The following EXOC6 variants were observed in gnomAD, a reference collection of about 807,000 sequenced individuals.
The protein encoded by EXOC6 is SEC15-like 1.
Under a neutral mutation model 112.5 loss-of-function variants are expected in EXOC6, and 60 were observed. That is an observed-to-expected ratio of 0.53 (90% confidence interval 0.43 to 0.66). The LOEUF is 0.66. EXOC6 is among the 30% of genes least tolerant of loss of function. The pLI, the probability that EXOC6 is intolerant of heterozygous loss-of-function variation, is 0.00. For synonymous variants in EXOC6, 295 were observed against 308.0 expected, an observed-to-expected ratio of 0.96 and a Z score of 0.44; for missense variants, 855 against 957.1, an observed-to-expected ratio of 0.89 and a Z score of 1.41.
intron 20 of EXOC6, among the ~76,000 whole-genome samples, chr10:93,053,533 T>C (rs1846404069): frequency 6.6e-6 from 1 of 152,226 alleles, no homozygotes; most frequent in South Asian, 2.1e-4. Flanking sequence ...CTCTCCTCTT[T>C]ATCAATACCC....
rs560578467 is a variant in EXOC6, at chr10:92,874,227, T to C, written c.102-19122T>C. Among the ~76,000 whole-genome samples, 6 of 152,328 alleles carry C rather than the reference T, an allele frequency of 3.9e-5. No individual in the cohort carries two copies. The South Asian group carries it at 1.2e-3, about 32-fold the overall frequency. ...GATACTTACCTTAACTTCAGTTTTT[T>C]ACTTAGCAGTACAATATTGTTGGTG... On this transcript the variant is annotated intron_variant, in intron 1 of 21. Transcript: ENST00000260762.
chr10:92,858,088 A>G (rs2133662891), intron 1 of EXOC6, among the ~76,000 whole-genome samples: 1 of 138,800 alleles, frequency 7.2e-6, no homozygotes, highest in East Asian at 2.8e-4. Context: ...ATTATTTCTG[A>G]TGAGAAGTCA....
At position 92,948,300 on chromosome 10, in the gene EXOC6, G is replaced by A; in HGVS notation, c.1337G>A (p.Ser446Asn). ...GACATTTTTGAAGAAGATAATTACAGCCCCATCCCTGTTGTCAATGAAGAA... is the reference window on the plus strand; with the variant it reads ...GACATTTTTGAAGAAGATAATTACAACCCCATCCCTGTTGTCAATGAAGAA... ...FRDIFEEDNY[S>N]PIPVVNEEEY... Residue 446 changes from serine to asparagine, a missense_variant, in exon 14 of 22, where the codon AGC becomes AAC. Physicochemically the swap from Ser to Asn is conservative, Grantham distance 46. This residue lies in a region of EXOC6 where 450 missense variants were observed against 563.5 expected (regional missense o/e 0.80). Coordinates refer to ENST00000260762, the MANE Select transcript of EXOC6 (RefSeq NM_019053.6). 4 of 1,607,992 alleles carry A rather than the reference G, an allele frequency of 2.5e-6. No homozygotes were observed. The highest frequency in any genetic ancestry group is 3.4e-6 in the Non-Finnish European group (4 of 1,177,276).
chr10:92,930,355 T>C (rs1222936012), intron 9 of EXOC6, among the ~76,000 whole-genome samples: 2 of 151,278 alleles, frequency 1.3e-5, no homozygotes, highest in East Asian at 3.9e-4. Flanking sequence ...ATACAAAAAT[T>C]AGCCAGGCAT....
At chr10:93,021,601 A>G (rs569625984) in intron 20 of EXOC6, among the ~76,000 whole-genome samples, 3 of 152,288 alleles carry the variant, frequency 2.0e-5, no homozygotes, top group African/African-American at 4.8e-5. Context: ...TTGCAGTGCT[A>G]TTTCCCTGAA....
chr10:92,966,924 G>T (rs4431935), intron 17 of EXOC6, among the ~76,000 whole-genome samples: 2 of 104,524 alleles, frequency 1.9e-5, no homozygotes, highest in Non-Finnish European at 1.9e-5. Context: ...AAGTGTTCCT[G>T]TTTCTCCACA....
intron 18 of EXOC6, among the ~76,000 whole-genome samples, chr10:92,978,553 G>A (rs865976662): frequency 3.6e-4 from 54 of 152,076 alleles, no homozygotes; most frequent in African/African-American, 1.2e-3. Flanking sequence ...TTATTGCTTT[G>A]TATATTAGTT....
chr10:92,975,229 G>A (rs1180856192), intron 18 of EXOC6, among the ~76,000 whole-genome samples: 1 of 151,728 alleles, frequency 6.6e-6, no homozygotes, highest in Non-Finnish European at 1.5e-5. Flanking sequence ...CCCCGTCTGG[G>A]ATGTGAGGAG....
At chr10:93,026,099 T>C (rs835264) in intron 20 of EXOC6, among the ~76,000 whole-genome samples, 140,005 of 152,320 alleles carry the variant, frequency 0.92, 64,520 homozygotes, top group East Asian at 1. Flanking sequence ...GTTGTGTAGT[T>C]TACCCTTGTA....
chr10:93,050,976 GATT>G (rs1458010016), intron 20 of EXOC6, among the ~76,000 whole-genome samples: 9 of 151,826 alleles, frequency 5.9e-5, no homozygotes, highest in Non-Finnish European at 1.3e-4. Context: ...TGCTCCATTT[GATT>G]ATTAACTATG....
intron 1 of EXOC6, among the ~76,000 whole-genome samples, chr10:92,828,499 A>C (rs1041445246): frequency 1.3e-5 from 2 of 151,852 alleles, no homozygotes; most frequent in Admixed American, 6.6e-5. Flanking sequence ...ACACCTGGCT[A>C]ATTTTTGTAT....
At chr10:92,843,756 G>A (rs1044331849), upstream of EXOC6, among the ~76,000 whole-genome samples, 1 of 152,106 alleles carries the variant, frequency 6.6e-6, no homozygotes, top group African/African-American at 2.4e-5. Flanking sequence ...TCGGGAGCCC[G>A]AGGTGGGTGG....
At chr10:92,966,010 A>C (rs544563760) in intron 17 of EXOC6, among the ~76,000 whole-genome samples, 24 of 152,184 alleles carry the variant, frequency 1.6e-4, no homozygotes, top group African/African-American at 5.1e-4. Context: ...AGCATTAATA[A>C]ACCTTAAAAA....
intron 18 of EXOC6, among the ~76,000 whole-genome samples, chr10:92,979,157 ATCCCTTCCCC>A (rs773683857): frequency 5.3e-5 from 8 of 152,164 alleles, no homozygotes; most frequent in Non-Finnish European, 8.8e-5. Flanking sequence ...GCCAAAAGGG[ATCCCTTCCCC>A]TCCCTTCCCC....
In EXOC6 at chr10:92,935,823, A is replaced by C. The variant is rs2133959271; in HGVS notation, c.1150A>C (p.Thr384Pro). 1.2e-6 allele frequency: 2 copies of C among 1,608,372 alleles called. No individual in the cohort carries two copies. Reference protein sequence around the residue: ...AVLRAHSSYCTDPDLVLELKN... With the variant: ...AVLRAHSSYCPDPDLVLELKN... ...GTGTTTCCACCCTCAGTCCTATTGCACTGATCCTGATCTTGTTCTGGAGCT... is the reference window on the plus strand; with the variant it reads ...GTGTTTCCACCCTCAGTCCTATTGCCCTGATCCTGATCTTGTTCTGGAGCT... Residue 384 changes from threonine to proline, a missense_variant, in exon 12 of 22, where the codon ACT becomes CCT. Thr to Pro is a conservative substitution (Grantham distance 38). This residue lies in a region of EXOC6 where 450 missense variants were observed against 563.5 expected (regional missense o/e 0.80). Transcript: ENST00000260762.
At chr10:92,903,444 A>T (rs1351813865) in intron 5 of EXOC6, among the ~76,000 whole-genome samples, 1 of 151,512 alleles carries the variant, frequency 6.6e-6, no homozygotes, top group Non-Finnish European at 1.5e-5. Context: ...GAAAGAAAGG[A>T]TTTAGATTAG....
At chr10:92,955,084 T>G (rs933398201) in intron 16 of EXOC6, among the ~76,000 whole-genome samples, 2 of 151,972 alleles carry the variant, frequency 1.3e-5, no homozygotes, top group East Asian at 3.9e-4. Flanking sequence ...TCCTAGCTAC[T>G]CTGGACTTGA....
chr10:93,014,486 A>G (rs754361112), intron 20 of EXOC6, among the ~76,000 whole-genome samples: 2 of 152,186 alleles, frequency 1.3e-5, no homozygotes, highest in African/African-American at 4.8e-5. Flanking sequence ...TGAATATTCA[A>G]TTTATTTAAT....
intron 1 of EXOC6, among the ~76,000 whole-genome samples, chr10:92,837,137 A>AC (rs1564760612): frequency 4.0e-4 from 27 of 66,988 alleles, no homozygotes; most frequent in Admixed American, 1.9e-3. Context: ...CACACACACA[A>AC]GCCAGAACAA....
Sources: allele counts gnomAD v4.1 joint callset (sites outside exome capture counted in the v4.1 genomes callset), GRCh38; gene constraint gnomAD v4.1.1; regional missense constraint gnomAD v4.1.1; transcripts MANE v1.5; gene names NCBI Gene and HGNC (gene_info 2026-07-23, HGNC 2026-07-21).